The following RSRP1 variants were observed in gnomAD, a reference collection of about 807,000 sequenced individuals.
The protein encoded by RSRP1 is arginine/serine-rich protein 1.
Under a neutral mutation model 33.0 loss-of-function variants are expected in RSRP1, and 37 were observed. The observed-to-expected ratio is 1.12, with a 90% CI of 0.86 to 1.48. The LOEUF (loss-of-function observed/expected upper bound fraction) is 1.48, where lower values mean the gene tolerates loss of function less well. Ranked by LOEUF, RSRP1 falls within the 40% of genes most tolerant of loss-of-function variation. The probability of loss-of-function intolerance (pLI) is 0.00; values close to 1 mark genes in which losing one functional copy is unlikely to be tolerated. For missense variants in RSRP1, 402 were observed against 385.3 expected (o/e 1.04, Z -0.36); for synonymous variants, 167 against 158.7 (o/e 1.05, Z -0.40).
rs1640517822 is a variant in RSRP1 at position 25,271,593 on chromosome 1, C to T, written c.-66-24564G>A. On this transcript the variant is annotated intron_variant, in intron 1 of 1. Coordinates refer to the RSRP1 transcript ENST00000561867. Reference sequence around the variant, plus strand: ...CTCTACATCCCTCTCTCTCTTCCTTCCTTCCTCGACACTTACCATGTACCA... The same window carrying T: ...CTCTACATCCCTCTCTCTCTTCCTTTCTTCCTCGACACTTACCATGTACCA... Among the ~76,000 whole-genome samples, 3 of 132,642 alleles carry T rather than the reference C, an allele frequency of 2.3e-5. 1 individual carries two copies. Among genetic ancestry groups the T allele is most frequent in the African/African-American group, 7.7e-5 (3 of 38,918 alleles). The allele number at this position is 132,642 out of a possible 152,430, so 87.0% of individuals were successfully genotyped here.
intron 3 of RSRP1, chr1:25,243,998 TCTA>T: frequency 8.6e-7 from 1 of 1,167,480 alleles, no homozygotes; most frequent in Non-Finnish European, 1.1e-6. Context: ...AAAGACCTTG[TCTA>T]CTAATACTGA....
rs1255234189 is a variant in RSRP1 at position 25,289,221 on chromosome 1, G to A, written c.-66-42192C>T. On this transcript the variant is annotated intron_variant, in intron 1 of 1. Coordinates refer to the RSRP1 transcript ENST00000561867. Reference sequence around the variant, plus strand: ...ATTTTTTTTGTGTGTGTGTGAGGCAGTCTTACTCTGTTGCCCAGGCTGGAG... The same window carrying A: ...ATTTTTTTTGTGTGTGTGTGAGGCAATCTTACTCTGTTGCCCAGGCTGGAG... Among the ~76,000 whole-genome samples the A allele has an allele frequency of 1.5e-5, 2 of 132,660 alleles. 1 individual carries two copies. The highest frequency in any genetic ancestry group is 3.6e-5 in the Non-Finnish European group (2 of 55,938). The allele number at this position is 132,660 out of a possible 152,430, so 87.0% of individuals were successfully genotyped here.
chr1:25,315,074 C>G lies in RSRP1; in HGVS notation c.-67+22904G>C, dbSNP rs1286723814. On this transcript the variant is annotated intron_variant, in intron 1 of 1. Transcript: ENST00000561867. ...AAAAAATTAGCTGGGCGTTGTGGCTCTTGCCTGTAGTCTCAGCTACTCGGG... is the reference window on the plus strand; with the variant it reads ...AAAAAATTAGCTGGGCGTTGTGGCTGTTGCCTGTAGTCTCAGCTACTCGGG... Among the ~76,000 whole-genome samples the G allele has an allele frequency of 1.3e-4, 17 of 128,504 alleles. 3 individuals carry two copies. The highest frequency in any genetic ancestry group is 3.2e-4 in the African/African-American group (12 of 37,734). 84.3% of individuals were successfully genotyped at this position (128,504 alleles called of 152,430 possible).
intron 1 of RSRP1, chr1:25,272,740 G>T (rs557021840): frequency 2.9e-6 from 4 of 1,375,804 alleles, no homozygotes; most frequent in Non-Finnish European, 4.1e-6. Context: ...AATAGCAGGG[G>T]CAGGGGCGGG....
chr1:25,331,031 G>A (rs375784847), intron 1 of RSRP1, among the ~76,000 whole-genome samples: 4 of 98,576 alleles, frequency 4.1e-5, no homozygotes, highest in East Asian at 5.5e-4. Flanking sequence ...TGGCCCGATG[G>A]ATCTCGGCTC....
rs746880636 is a variant in RSRP1 at position 25,272,514 on chromosome 1, G to A, written c.-66-25485C>T. ...GTTGGAGAGAGGGGTGATGCCTGGT[G>A]CTGGTGGAACCCCTGCACAGAGACG... On this transcript the variant is annotated intron_variant, in intron 1 of 1. Transcript: ENST00000561867. 3.2e-6 allele frequency: 5 copies of A among 1,560,328 alleles called. No individual in the cohort carries two copies. In the South Asian group the frequency reaches 3.4e-5, roughly 10 times the overall value.
At position 25,298,056 on chromosome 1, in the gene RSRP1, T is replaced by C. The variant is rs945358033; in HGVS notation, c.-67+39922A>G. Among the ~76,000 whole-genome samples, 41 of 123,202 alleles carry C rather than the reference T, an allele frequency of 3.3e-4. 6 individuals are homozygous for C. The highest frequency in any genetic ancestry group is 5.6e-4 in the Non-Finnish European group (29 of 52,006). The allele number at this position is 123,202 out of a possible 152,430, so 80.8% of individuals were successfully genotyped here. On this transcript the variant is annotated intron_variant, in intron 1 of 1. Coordinates refer to the RSRP1 transcript ENST00000561867. ...CACCCACCCATCCACCTCCACTTGT[T>C]CCTGCATTTCTATGTCCCAGATCCT... is the stretch of plus-strand genomic sequence containing the variant.
chr1:25,306,382 T>C (rs1643837033), intron 1 of RSRP1, among the ~76,000 whole-genome samples: 1 of 131,700 alleles, frequency 7.6e-6, no homozygotes, highest in Non-Finnish European at 1.8e-5. Flanking sequence ...GAAATGCTGT[T>C]AGACCCCACC....
intron 1 of RSRP1, among the ~76,000 whole-genome samples, chr1:25,259,483 A>G (rs1228570080): frequency 6.6e-6 from 1 of 152,012 alleles, no homozygotes. Flanking sequence ...TAATTAGATT[A>G]TACCACTAGA....
chr1:25,244,621 A>G (rs1215556174), intron 3 of RSRP1: 14 of 1,254,020 alleles, frequency 1.1e-5, no homozygotes, highest in Non-Finnish European at 1.4e-5. Flanking sequence ...AACTAGTAAT[A>G]GAAATCACCA....
rs1395374415 is a variant in RSRP1, at chr1:25,310,996, A to G, written c.-67+26982T>C. On this transcript the variant is annotated intron_variant, in intron 1 of 1. Transcript: ENST00000561867. ...CTCAAAAAAAAAAAAAAAGAAAGAA[A>G]AAGAATGGAGCATTAAAGACAGTTC... is the stretch of plus-strand genomic sequence containing the variant. Among the ~76,000 whole-genome samples the G allele has an allele frequency of 3.1e-5, 4 of 130,722 alleles. 1 individual carries two copies. The highest frequency in any genetic ancestry group is 2.0e-4 in the East Asian group (1 of 5,104). The allele number at this position is 130,722 out of a possible 152,430, so 85.8% of individuals were successfully genotyped here.
intron 1 of RSRP1, among the ~76,000 whole-genome samples, chr1:25,299,675 C>G (rs138535397): frequency 2.9e-5 from 3 of 103,466 alleles, no homozygotes; most frequent in Non-Finnish European, 7.0e-5. Flanking sequence ...TGGCAAGAAC[C>G]TGGACCTTGA....
At chr1:25,331,148 A>G (rs1181624553) in intron 1 of RSRP1, among the ~76,000 whole-genome samples, 1 of 125,578 alleles carries the variant, frequency 8.0e-6, no homozygotes, top group African/African-American at 2.7e-5. Flanking sequence ...TTGTATTTTT[A>G]GTAGAGACAG....
In RSRP1 at chr1:25,276,466, G is replaced by A. The variant is rs1247728531; in HGVS notation, c.-66-29437C>T. On this transcript the variant is annotated intron_variant, in intron 1 of 1. Coordinates refer to the RSRP1 transcript ENST00000561867. ...TGAGCATTTAGGGAGGCCAAGTGGGGAGGATCGCTTAAACCAAGGAGTTCA... is the reference window on the plus strand; with the variant it reads ...TGAGCATTTAGGGAGGCCAAGTGGGAAGGATCGCTTAAACCAAGGAGTTCA... Among the ~76,000 whole-genome samples the A allele has an allele frequency of 1.7e-5, 2 of 118,500 alleles. 1 individual carries two copies. The highest frequency in any genetic ancestry group is 3.9e-5 in the Non-Finnish European group (2 of 51,928). The allele number at this position is 118,500 out of a possible 152,430, so 77.7% of individuals were successfully genotyped here.
chr1:25,246,905 G>C lies in RSRP1; in HGVS notation c.59C>G (p.Ser20Trp). Residue 20 changes from serine (S) to tryptophan (W), a missense_variant, in exon 2 of 5, where the codon TCG (serine) becomes TGG (tryptophan). Transcript: ENST00000243189. ...PGSPQEKDSP[S>W]TSRSGGSSRL... Reference sequence around the variant, plus strand: ...GCTGGACCCGCCCGACCGCGAGGTCGAGGGCGAATCCTTCTCCTGCGGCGA... The same window carrying C: ...GCTGGACCCGCCCGACCGCGAGGTCCAGGGCGAATCCTTCTCCTGCGGCGA... 1.2e-6 allele frequency: 2 copies of C among 1,603,480 alleles called. No homozygotes were observed. Among genetic ancestry groups the C allele is most frequent in the Non-Finnish European group, 1.7e-6 (2 of 1,172,780 alleles).
In RSRP1 at chr1:25,267,828, G is replaced by A. The variant is rs1382935293; in HGVS notation, c.-66-20799C>T. ...AACTTCTCACGCCTACTCTCAAATG[G>A]CGTACTCCAAACTAGCACTCCCGAC... On this transcript the variant is annotated intron_variant, in intron 1 of 1. Coordinates refer to the RSRP1 transcript ENST00000561867. 2 of 130,654 alleles carry A rather than the reference G, an allele frequency of 1.5e-5. 1 individual carries two copies. Among genetic ancestry groups the A allele is most frequent in the African/African-American group, 5.2e-5 (2 of 38,278 alleles). The allele number at this position is 130,654 out of a possible 1,614,324, so 8.1% of individuals were successfully genotyped here.
intron 1 of RSRP1, among the ~76,000 whole-genome samples, chr1:25,281,655 AC>A (rs1641498215): frequency 7.7e-6 from 1 of 129,814 alleles, no homozygotes; most frequent in African/African-American, 2.6e-5. Context: ...CTGGCCACAC[AC>A]CCCCATTCCT....
chr1:25,284,342 A>G (rs1162236142), intron 1 of RSRP1, among the ~76,000 whole-genome samples: 12 of 135,758 alleles, frequency 8.8e-5, no homozygotes, highest in Admixed American at 7.1e-4. Flanking sequence ...CTAAGTGCTT[A>G]ATTAGCTTTA....
chr1:25,280,638 T>C (rs1641410577), intron 1 of RSRP1, among the ~76,000 whole-genome samples: 2 of 96,868 alleles, frequency 2.1e-5, no homozygotes, highest in South Asian at 6.9e-4. Context: ...AAACAGGGTC[T>C]CCCTCTGTCA....
Sources: allele counts gnomAD v4.1 joint callset (sites outside exome capture counted in the v4.1 genomes callset), GRCh38; gene constraint gnomAD v4.1.1; transcripts MANE v1.5; gene names NCBI Gene and HGNC (gene_info 2026-07-23, HGNC 2026-07-21).